The following SCMH1 variants were observed in gnomAD, a reference collection of about 807,000 sequenced individuals.
The protein encoded by SCMH1 is polycomb protein SCMH1.
Under a neutral mutation model 70.8 loss-of-function variants are expected in SCMH1, and 37 were observed. The ratio of observed to expected loss-of-function variants is 0.52; its 90% confidence interval spans 0.40 to 0.69. The LOEUF (loss-of-function observed/expected upper bound fraction) is 0.69, where lower values mean the gene tolerates loss of function less well. SCMH1 is among the 30% of genes least tolerant of loss of function. The pLI is 0.00. For synonymous variants in SCMH1, 292 were observed against 307.4 expected (o/e 0.95, Z 0.52); for missense variants, 607 against 827.3 (o/e 0.73, Z 3.27).
intron 13 of SCMH1, among the ~76,000 whole-genome samples, chr1:41,032,430 C>A (rs532557915): frequency 6.6e-6 from 1 of 152,170 alleles, no homozygotes; most frequent in East Asian, 1.9e-4. Context: ...GCCAATGTAT[C>A]AGAACAAAGT....
At chr1:41,152,293 G>C (rs933666097) in intron 4 of SCMH1, among the ~76,000 whole-genome samples, 3 of 152,104 alleles carry the variant, frequency 2.0e-5, no homozygotes, top group Non-Finnish European at 4.4e-5. Flanking sequence ...GTTGCTCTGG[G>C]GTGCAAAGTG....
intron 1 of SCMH1, among the ~76,000 whole-genome samples, chr1:41,199,950 T>G (rs576951723): frequency 5.3e-5 from 8 of 152,274 alleles, no homozygotes; most frequent in African/African-American, 1.9e-4. Context: ...CTAGTATAGT[T>G]TAAAACAAGA....
chr1:41,058,447 T>C (rs112387309), intron 10 of SCMH1, among the ~76,000 whole-genome samples: 11,432 of 134,194 alleles, frequency 0.085, 578 homozygotes, highest in South Asian at 0.15. Flanking sequence ...GTGGCACAAT[T>C]TCGGCTCACT....
At chr1:41,081,435 T>C (rs1659989817) in intron 8 of SCMH1, among the ~76,000 whole-genome samples, 1 of 152,254 alleles carries the variant, frequency 6.6e-6, no homozygotes, top group African/African-American at 2.4e-5. Context: ...GGACCTATAG[T>C]AGCCAAGTCA....
intron 10 of SCMH1, among the ~76,000 whole-genome samples, chr1:41,059,411 T>C (rs1651765942): frequency 6.6e-6 from 1 of 152,054 alleles, no homozygotes; most frequent in South Asian, 2.1e-4. Context: ...AGAAGGAGCA[T>C]CTGAACACTG....
intron 2 of SCMH1, among the ~76,000 whole-genome samples, chr1:41,165,003 A>G (rs1335804898): frequency 6.6e-6 from 1 of 152,088 alleles, no homozygotes; most frequent in Non-Finnish European, 1.5e-5. Context: ...CTATCTAACT[A>G]TAAGTTTCTA....
chr1:41,091,257 T>A (rs1663402968), intron 8 of SCMH1, among the ~76,000 whole-genome samples: 1 of 152,010 alleles, frequency 6.6e-6, no homozygotes, highest in East Asian at 1.9e-4. Flanking sequence ...ACGTAATCCA[T>A]CATATAAACA....
chr1:41,167,809 T>C (rs946991689), intron 2 of SCMH1, among the ~76,000 whole-genome samples: 2 of 152,120 alleles, frequency 1.3e-5, no homozygotes, highest in Admixed American at 1.3e-4. Context: ...AAGGCTGGTC[T>C]AGTGGGGATA....
At chr1:41,186,184 C>T in exon 2 of SCMH1, 1 of 984,602 alleles carries the variant, frequency 1.0e-6, no homozygotes, top group Non-Finnish European at 1.6e-6. Flanking sequence ...GGGATTTATC[C>T]CTGGATCCAC....
chr1:41,150,319 A>G (rs1644953909), intron 5 of SCMH1, among the ~76,000 whole-genome samples: 1 of 152,120 alleles, frequency 6.6e-6, no homozygotes, highest in Non-Finnish European at 1.5e-5. Context: ...CCTGGCCAAC[A>G]TAATGAGACC....
intron 2 of SCMH1, among the ~76,000 whole-genome samples, chr1:41,177,588 G>T (rs563830544): frequency 1.3e-5 from 2 of 152,132 alleles, no homozygotes. Context: ...ACTACGTGAC[G>T]AATGCACAAG....
chr1:41,126,707 T>G lies in SCMH1; in HGVS notation c.413-9697A>C, dbSNP rs138308162. Reference sequence around the variant, plus strand: ...TCACATTAATGATATATCTTAGAAATCACTCCATATTAGTTTACACAGATC... The same window carrying G: ...TCACATTAATGATATATCTTAGAAAGCACTCCATATTAGTTTACACAGATC... On this transcript the variant is annotated intron_variant, in intron 6 of 14. Transcript: ENST00000337495. Among the ~76,000 whole-genome samples, 255 of 152,312 alleles carry G rather than the reference T, an allele frequency of 1.7e-3. 2 individuals carry two copies. The Middle Eastern group carries it at 0.02, about 12-fold the overall frequency.
chr1:41,177,028 C>G (rs12744845), intron 2 of SCMH1, among the ~76,000 whole-genome samples: 16,449 of 152,142 alleles, frequency 0.11, 1,265 homozygotes, highest in East Asian at 0.27. Flanking sequence ...CTCACACGGC[C>G]CTCTGAGACA....
At chr1:41,151,396 A>C in intron 5 of SCMH1, among the ~76,000 whole-genome samples, 1 of 152,214 alleles carries the variant, frequency 6.6e-6, no homozygotes, top group East Asian at 1.9e-4. Flanking sequence ...GTAAAGAAGG[A>C]GGCAAGGGTG....
intron 1 of SCMH1, among the ~76,000 whole-genome samples, chr1:41,210,158 G>A (rs2148790653): frequency 6.6e-6 from 1 of 152,294 alleles, no homozygotes; most frequent in South Asian, 2.1e-4. Flanking sequence ...CAAGGGATGT[G>A]AAGGACCTCT....
At chr1:41,199,388 A>G (rs1481747830) in intron 1 of SCMH1, among the ~76,000 whole-genome samples, 1 of 152,126 alleles carries the variant, frequency 6.6e-6, no homozygotes, top group African/African-American at 2.4e-5. Flanking sequence ...ATATAAATGA[A>G]ATCATATCAT....
intron 6 of SCMH1, among the ~76,000 whole-genome samples, chr1:41,125,658 G>A (rs749656659): frequency 1.3e-5 from 2 of 151,082 alleles, no homozygotes; most frequent in African/African-American, 2.4e-5. Context: ...CTGCAGCCTC[G>A]ACCTCCCAGA....
intron 10 of SCMH1, among the ~76,000 whole-genome samples, chr1:41,064,437 A>C (rs1349647962): frequency 6.6e-6 from 1 of 152,224 alleles, no homozygotes; most frequent in Non-Finnish European, 1.5e-5. Context: ...CAGTTTGGGA[A>C]GGACGAAATA....
intron 6 of SCMH1, among the ~76,000 whole-genome samples, chr1:41,124,762 T>G (rs1326673272): frequency 1.3e-5 from 2 of 152,024 alleles, no homozygotes; most frequent in African/African-American, 4.8e-5. Context: ...ACCTGGCCAA[T>G]TTTTCTATTT....
Sources: allele counts gnomAD v4.1 joint callset (sites outside exome capture counted in the v4.1 genomes callset), GRCh38; gene constraint gnomAD v4.1.1; transcripts MANE v1.5; gene names NCBI Gene and HGNC (gene_info 2026-07-23, HGNC 2026-07-21).